PGR: variants seen among roughly 807,000 people sequenced by gnomAD.
PGR encodes nuclear receptor subfamily 3 group C member 3.
In PGR, 25 loss-of-function variants were observed where a neutral mutation model predicts 76.1. That is an observed-to-expected ratio of 0.33 (90% CI 0.24 to 0.46). PGR has a LOEUF of 0.46. Ranked by LOEUF, PGR falls within the 20% of genes least tolerant of loss-of-function variation. The pLI, the probability that PGR is intolerant of heterozygous loss-of-function variation, is 1.00. For missense variants in PGR, 1,172 were observed against 1,225.3 expected (o/e 0.96, Z 0.65); for synonymous variants, 579 against 535.0 (o/e 1.08, Z -1.14).
At position 101,038,857 on chromosome 11, in the gene PGR, A is replaced by T. The variant is rs1192434701; in HGVS notation, c.*259T>A. On this transcript the variant is annotated 3_prime_UTR_variant, in exon 8 of 8. Coordinates refer to ENST00000325455, the MANE Select transcript of PGR (RefSeq NM_000926.4). Reference sequence around the variant, plus strand: ...TGAAATAATATGGATAAGATAGTTTACTTTAACAATTTTAGTACTTTTTCA... The same window carrying T: ...TGAAATAATATGGATAAGATAGTTTTCTTTAACAATTTTAGTACTTTTTCA... The T allele has an allele frequency of 2.5e-6, 1 of 394,854 alleles. No individual in the cohort carries two copies. Among genetic ancestry groups the T allele is most frequent in the African/African-American group, 2.0e-5 (1 of 48,986 alleles). 24.5% of individuals were successfully genotyped at this position (394,854 alleles called of 1,614,324 possible).
intron 2 of PGR, among the ~76,000 whole-genome samples, chr11:101,093,710 T>C (rs1480308230): frequency 6.6e-6 from 1 of 152,140 alleles, no homozygotes; most frequent in Non-Finnish European, 1.5e-5. Flanking sequence ...CTGCCCGCCT[T>C]GGCCTCCCAA....
intron 2 of PGR, among the ~76,000 whole-genome samples, chr11:101,123,683 C>G (rs898765540): frequency 1.3e-5 from 2 of 152,174 alleles, no homozygotes; most frequent in African/African-American, 2.4e-5. Flanking sequence ...ATGTTCATAT[C>G]TTCCATGTAG....
At chr11:101,082,577 GA>G (rs145766291) in intron 3 of PGR, among the ~76,000 whole-genome samples, 37,124 of 152,056 alleles carry the variant, frequency 0.24, 5,630 homozygotes, top group Non-Finnish European at 0.35. Flanking sequence ...TTGGGAACTG[GA>G]GTAAAGGTCA....
intron 2 of PGR, among the ~76,000 whole-genome samples, chr11:101,092,980 C>T (rs992884088): frequency 6.6e-6 from 1 of 152,058 alleles, no homozygotes; most frequent in African/African-American, 2.4e-5. Flanking sequence ...AAAACATGTA[C>T]TTAATCAAGC....
At chr11:101,122,286 G>A (rs1331463507) in intron 2 of PGR, among the ~76,000 whole-genome samples, 1 of 151,892 alleles carries the variant, frequency 6.6e-6, no homozygotes, top group Non-Finnish European at 1.5e-5. Context: ...TACACCAAAT[G>A]TATTCACAAC....
At chr11:101,044,897 G>T (rs1020223199) in intron 6 of PGR, among the ~76,000 whole-genome samples, 1 of 151,680 alleles carries the variant, frequency 6.6e-6, no homozygotes, top group Non-Finnish European at 1.5e-5. Context: ...GGTAGAGATG[G>T]GGTTTCACTA....
rs1326669647 is a variant in PGR at position 101,031,836 on chromosome 11, C to T, written c.*7280G>A. 2.2e-5 allele frequency: 5 copies of T among 228,758 alleles called. No individual in the cohort carries two copies. Among genetic ancestry groups the T allele is most frequent in the Non-Finnish European group, 4.3e-5 (5 of 115,310 alleles). The allele number at this position is 228,758 out of a possible 1,614,324, so 14.2% of individuals were successfully genotyped here. On this transcript the variant is annotated 3_prime_UTR_variant, in exon 8 of 8. Coordinates refer to ENST00000325455, the MANE Select transcript of PGR (RefSeq NM_000926.4). The stretch of plus-strand genomic sequence containing the variant: ...ACCTATGAGTTAGGTGAATTCCTCT[C>T]GAGGTTCCAAGAATCTATACAAAGA...
chr11:101,053,204 G>C (rs1028189073), intron 4 of PGR, among the ~76,000 whole-genome samples: 1 of 152,076 alleles, frequency 6.6e-6, no homozygotes, highest in Non-Finnish European at 1.5e-5. Flanking sequence ...TGTTTCAAAA[G>C]TAAAACCAAA....
Position 101,127,616 on chromosome 11 carries a change from C to G in PGR, c.1455G>C (p.Ala485=), listed in dbSNP as rs1330904631. Reference sequence around the variant, plus strand: ...CGTCCCGCGGGAGCAGGCAGCCGCTCGCGCCCGGCGCCTTGCAGGGCGGCG... The same window carrying G: ...CGTCCCGCGGGAGCAGGCAGCCGCTGGCGCCCGGCGCCTTGCAGGGCGGCG... ...FAPPPCKAPG[A]SGCLLPRDGL... is the part of the protein sequence containing the mutation. The change falls in exon 1 of 8, where the codon GCG becomes GCC. Residue 485 remains alanine, a synonymous_variant. Transcript: ENST00000325455. 3.1e-6 allele frequency: 4 copies of G among 1,305,884 alleles called. No homozygotes were observed. The highest frequency in any genetic ancestry group is 6.2e-5 in the East Asian group (2 of 32,120). 80.9% of individuals were successfully genotyped at this position (1,305,884 alleles called of 1,614,324 possible).
intron 2 of PGR, among the ~76,000 whole-genome samples, chr11:101,111,713 T>A (rs1456764): frequency 0.19 from 28,308 of 152,094 alleles, 3,220 homozygotes; most frequent in African/African-American, 0.32. Context: ...GAGAAAACCC[T>A]AAGTAGATCA....
rs1352521528 is a variant in PGR, at chr11:101,035,858, C to A, written c.*3258G>T. The A allele has an allele frequency of 4.3e-6, 1 of 230,512 alleles. No individual in the cohort carries two copies. Among genetic ancestry groups the A allele is most frequent in the East Asian group, 6.2e-5 (1 of 16,168 alleles). 14.3% of individuals were successfully genotyped at this position (230,512 alleles called of 1,614,324 possible). On this transcript the variant is annotated 3_prime_UTR_variant, in exon 8 of 8. Coordinates refer to ENST00000325455, the MANE Select transcript of PGR (RefSeq NM_000926.4). Reference sequence around the variant, plus strand: ...AACAGTGAGACTTTCTAGAATCCTGCTTTCACTGTAGAATATAGCTGGTGA... The same window carrying A: ...AACAGTGAGACTTTCTAGAATCCTGATTTCACTGTAGAATATAGCTGGTGA...
intron 3 of PGR, among the ~76,000 whole-genome samples, chr11:101,087,885 T>G (rs1298324666): frequency 6.6e-6 from 1 of 152,058 alleles, no homozygotes; most frequent in African/African-American, 2.4e-5. Flanking sequence ...TGACATACCA[T>G]CTTACACCAA....
intron 3 of PGR, among the ~76,000 whole-genome samples, chr11:101,067,964 C>G (rs1860781938): frequency 6.6e-6 from 1 of 151,710 alleles, no homozygotes; most frequent in Non-Finnish European, 1.5e-5. Context: ...ATGACCAACT[C>G]CAAATTAAAG....
At chr11:101,048,192 A>G (rs1252526272) in intron 6 of PGR, among the ~76,000 whole-genome samples, 1 of 152,186 alleles carries the variant, frequency 6.6e-6, no homozygotes, top group African/African-American at 2.4e-5. Context: ...AACCACTATT[A>G]TATTAAGATG....
chr11:101,110,580 C>T (rs1177271228), intron 2 of PGR, among the ~76,000 whole-genome samples: 1 of 152,158 alleles, frequency 6.6e-6, no homozygotes, highest in East Asian at 1.9e-4. Flanking sequence ...TCTTGAGATT[C>T]AATCTGCTCC....
intron 3 of PGR, 189 bp from the exon 4 acceptor site, chr11:101,062,941 A>T (rs888670818): frequency 1.9e-5 from 9 of 477,320 alleles, no homozygotes; most frequent in South Asian, 8.4e-5. Flanking sequence ...ACTCTTGATT[A>T]AAAAAAATTT....
intron 2 of PGR, among the ~76,000 whole-genome samples, chr11:101,110,270 G>A (rs1288338532): frequency 2.0e-5 from 3 of 152,158 alleles, no homozygotes; most frequent in Non-Finnish European, 4.4e-5. Context: ...TCTGGGCAAA[G>A]TACATTGAAA....
At chr11:101,064,020 A>G (rs970421545) in intron 3 of PGR, 9 of 152,048 alleles carry the variant, frequency 5.9e-5, no homozygotes, top group Admixed American at 1.3e-4. Context: ...AAAAAGGATT[A>G]TACTTGTTCT....
At position 101,037,539 on chromosome 11, in the gene PGR, T is replaced by C. The variant is rs1010721954; in HGVS notation, c.*1577A>G. 5.7e-5 allele frequency: 13 copies of C among 227,772 alleles called. No individual in the cohort carries two copies. The highest frequency in any genetic ancestry group is 2.9e-4 in the African/African-American group (13 of 45,070). The allele number at this position is 227,772 out of a possible 1,614,324, so 14.1% of individuals were successfully genotyped here. On this transcript the variant is annotated 3_prime_UTR_variant, in exon 8 of 8. Transcript: ENST00000325455. ...AATAATTGTTTTGTGGAATTTTGCTTAGGGAGAGAAATAATATTCCATTCA... is the reference window on the plus strand; with the variant it reads ...AATAATTGTTTTGTGGAATTTTGCTCAGGGAGAGAAATAATATTCCATTCA...
Sources: allele counts gnomAD v4.1 joint callset (sites outside exome capture counted in the v4.1 genomes callset), GRCh38; gene constraint gnomAD v4.1.1; transcripts MANE v1.5; gene names NCBI Gene and HGNC (gene_info 2026-07-23, HGNC 2026-07-21).